The following CPNE4 variants were observed in gnomAD, a reference collection of about 807,000 sequenced individuals.
CPNE4 encodes copine-4.
A neutral mutation model predicts 67.9 loss-of-function variants in CPNE4; 25 were observed. The ratio of observed to expected loss-of-function variants is 0.37; its 90% confidence interval spans 0.27 to 0.51. The LOEUF (loss-of-function observed/expected upper bound fraction) is 0.51. Ranked by LOEUF, CPNE4 falls within the 20% of genes least tolerant of loss-of-function variation. CPNE4 has a pLI of 0.93. For synonymous variants in CPNE4, 242 were observed against 244.9 expected (o/e 0.99, Z 0.11); for missense variants, 464 against 690.8 (o/e 0.67, Z 3.68).
Position 131,534,876 on chromosome 3 carries a change from T to C in CPNE4, c.*319A>G, listed in dbSNP as rs535056594. ...CTTTAGAGTGTAAAGATAAGAAATT[T>C]AGCAAAATTTCAACAAACCTGTATA... On this transcript the variant is annotated 3_prime_UTR_variant, in exon 16 of 16. Coordinates refer to ENST00000429747, the MANE Select transcript of CPNE4 (RefSeq NM_130808.3). 4.7e-5 allele frequency: 9 copies of C among 192,866 alleles called. No individual in the cohort carries two copies. The highest frequency in any genetic ancestry group is 8.4e-5 in the Non-Finnish European group (8 of 94,980). The allele number at this position is 192,866 out of a possible 1,614,324, so 11.9% of individuals were successfully genotyped here.
chr3:131,795,363 G>A (rs1328121717), intron 2 of CPNE4, among the ~76,000 whole-genome samples: 1 of 152,122 alleles, frequency 6.6e-6, no homozygotes, highest in Non-Finnish European at 1.5e-5. Flanking sequence ...AACCCCTCTT[G>A]GCCAAGGGGA....
intron 7 of CPNE4, among the ~76,000 whole-genome samples, chr3:131,618,391 T>A (rs1247962475): frequency 6.6e-6 from 1 of 152,236 alleles, no homozygotes; most frequent in African/African-American, 2.4e-5. Flanking sequence ...TATGACTTTT[T>A]TGTGGGGAGA....
At chr3:131,995,191 CA>C (rs2073259869) in intron 1 of CPNE4, among the ~76,000 whole-genome samples, 1 of 152,122 alleles carries the variant, frequency 6.6e-6, no homozygotes, top group Admixed American at 6.6e-5. Context: ...TTCACACACA[CA>C]AACACACACA....
rs188416447 is a variant in CPNE4, at chr3:131,972,848, C to T, written c.-2+61719G>A. 3.3e-5 allele frequency among the ~76,000 whole-genome samples: 5 copies of T among 152,314 alleles called. No homozygotes were observed. The East Asian group carries it at 9.6e-4, about 29-fold the overall frequency. ...GGCTGGACCAGATGTTCCCAGTGAA[C>T]TTATCTCAGATCTGCCATTCTGAAA... On this transcript the variant is annotated intron_variant, in intron 1 of 15. Coordinates refer to ENST00000429747, the MANE Select transcript of CPNE4 (RefSeq NM_130808.3).
intron 2 of CPNE4, among the ~76,000 whole-genome samples, chr3:131,855,697 T>A (rs1036495873): frequency 3.3e-5 from 5 of 151,802 alleles, no homozygotes; most frequent in African/African-American, 1.2e-4. Context: ...AACCGTGCCT[T>A]GTGAGGGTGT....
At chr3:131,779,316 G>A (rs555765020) in intron 2 of CPNE4, among the ~76,000 whole-genome samples, 1 of 151,862 alleles carries the variant, frequency 6.6e-6, no homozygotes. Context: ...ATTTTTCACA[G>A]AATTAGATTT....
At chr3:131,624,071 C>T (rs1940612076) in intron 7 of CPNE4, among the ~76,000 whole-genome samples, 1 of 152,136 alleles carries the variant, frequency 6.6e-6, no homozygotes, top group Non-Finnish European at 1.5e-5. Context: ...GGGTGCCTGG[C>T]CTTGCTTTAC....
chr3:131,596,854 A>C (rs78582938), intron 7 of CPNE4, among the ~76,000 whole-genome samples: 10 of 152,024 alleles, frequency 6.6e-5, no homozygotes, highest in Non-Finnish European at 1.0e-4. Flanking sequence ...GCCCCCAACA[A>C]TAGCCAATTC....
At chr3:131,920,138 A>C (rs774506525) in intron 1 of CPNE4, among the ~76,000 whole-genome samples, 11 of 152,188 alleles carry the variant, frequency 7.2e-5, no homozygotes, top group Non-Finnish European at 1.0e-4. Flanking sequence ...TACATTTCTT[A>C]GCCTAGAATC....
rs896294237 is a variant in CPNE4, at chr3:131,839,481, A to G, written c.180+65783T>C. 4.6e-5 allele frequency among the ~76,000 whole-genome samples: 7 copies of G among 151,558 alleles called. No homozygotes were observed. In the South Asian group the frequency reaches 1.5e-3, roughly 31 times the overall value. ...TTATGCTGATTTATATATTTAGTTA[A>G]TAGTGTTGATAAACATTTATATTTA... On this transcript the variant is annotated intron_variant, in intron 2 of 15. Transcript: ENST00000429747.
intron 2 of CPNE4, among the ~76,000 whole-genome samples, chr3:131,792,284 C>A (rs1271053918): frequency 6.6e-6 from 1 of 151,916 alleles, no homozygotes; most frequent in Non-Finnish European, 1.5e-5. Flanking sequence ...ACTTCAGATT[C>A]CTTTTCATTT....
intron 2 of CPNE4, among the ~76,000 whole-genome samples, chr3:131,825,000 T>C (rs939866930): frequency 1.3e-5 from 2 of 152,086 alleles, no homozygotes; most frequent in Admixed American, 1.3e-4. Context: ...TAGAAATGAG[T>C]TGATTGATTT....
At chr3:131,610,088 A>ACTTCCCCTTCTC (rs1182442073) in intron 7 of CPNE4, among the ~76,000 whole-genome samples, 1 of 151,996 alleles carries the variant, frequency 6.6e-6, no homozygotes, top group African/African-American at 2.4e-5. Context: ...CACCAAACAA[A>ACTTCCCCTTCTC]CTTCCCCCTC....
At chr3:131,627,198 AAAAAAAAAAAAAG>A (rs2079098665) in intron 7 of CPNE4, among the ~76,000 whole-genome samples, 8 of 139,486 alleles carry the variant, frequency 5.7e-5, no homozygotes, top group African/African-American at 2.3e-4. Flanking sequence ...CATCTCAAAA[AAAAAAAAAAAAAG>A]AAAAAAAGAA....
At chr3:131,695,004 G>A (rs2081117617) in intron 5 of CPNE4, among the ~76,000 whole-genome samples, 1 of 152,186 alleles carries the variant, frequency 6.6e-6, no homozygotes, top group East Asian at 1.9e-4. Flanking sequence ...GTAGTGTTGT[G>A]TCTTTGGGTA....
chr3:131,543,036 A>C, intron 14 of CPNE4: 2 of 462,642 alleles, frequency 4.3e-6, no homozygotes, highest in Non-Finnish European at 7.8e-6. Context: ...GTTACAAAGA[A>C]AGAGCAGCAG....
chr3:131,952,684 G>A (rs201869363), intron 1 of CPNE4, among the ~76,000 whole-genome samples: 9 of 149,748 alleles, frequency 6.0e-5, no homozygotes, highest in East Asian at 2.1e-4. Context: ...CTGCCCGGCC[G>A]CCCCTACTGG....
intron 2 of CPNE4, among the ~76,000 whole-genome samples, chr3:131,803,709 G>A (rs1267224711): frequency 1.3e-5 from 2 of 152,154 alleles, no homozygotes; most frequent in Admixed American, 6.5e-5. Context: ...AGGAGAACAT[G>A]CTGTGCTCAG....
chr3:131,797,883 G>C (rs1160810645), intron 2 of CPNE4, among the ~76,000 whole-genome samples: 3 of 152,086 alleles, frequency 2.0e-5, no homozygotes, highest in Non-Finnish European at 4.4e-5. Context: ...AAATACCACA[G>C]ACTGGGTGGT....
Sources: allele counts gnomAD v4.1 joint callset (sites outside exome capture counted in the v4.1 genomes callset), GRCh38; gene constraint gnomAD v4.1.1; transcripts MANE v1.5; gene names NCBI Gene and HGNC (gene_info 2026-07-23, HGNC 2026-07-21).